Variants in DPH7 observed in about 807,000 individuals in gnomAD.
DPH7 encodes diphthamide biosynthesis 7.
A neutral mutation model predicts 41.7 loss-of-function variants in DPH7; 44 were observed. That is an observed-to-expected ratio of 1.05 (90% CI 0.83 to 1.36). The LOEUF is 1.36. Ranked by LOEUF, DPH7 falls within the 40% of genes most tolerant of loss-of-function variation. The pLI is 0.00. For missense variants in DPH7, 629 were observed against 577.5 expected (o/e 1.09, Z -0.91); for synonymous variants, 275 against 238.0 (o/e 1.16, Z -1.43).
chr9:137,565,342 T>C lies in DPH7; in HGVS notation c.641-188A>G, dbSNP rs1315157813. ...GAGGAAGCTCCCCGGGGTGACTGTC[T>C]GTGAGGAAGCTCCCCTGGGTGACTC... On this transcript the variant is annotated intron_variant, in intron 5 of 8. Transcript: ENST00000277540. 4.2e-4 allele frequency: 121 copies of C among 286,100 alleles called. 1 individual carries two copies. Among genetic ancestry groups the C allele is most frequent in the African/African-American group, 3.9e-3 (42 of 10,648 alleles). 17.7% of individuals were successfully genotyped at this position (286,100 alleles called of 1,614,324 possible). A position where few individuals can be genotyped will look rare whatever the true frequency, so the allele number is the denominator to read the frequency against.
At chr9:137,568,780 G>A (rs1233955947) in intron 5 of DPH7, among the ~76,000 whole-genome samples, 1 of 152,142 alleles carries the variant, frequency 6.6e-6, no homozygotes, top group African/African-American at 2.4e-5. Context: ...GGAAACTGAA[G>A]GGGCCCTGAA....
In DPH7 at chr9:137,575,846, C is replaced by T; in HGVS notation, c.375+234G>A. 4 of 1,349,662 alleles carry T rather than the reference C, an allele frequency of 3.0e-6. No individual in the cohort carries two copies. In the African/African-American group the frequency reaches 4.4e-5, roughly 15 times the overall value. 83.6% of individuals were successfully genotyped at this position (1,349,662 alleles called of 1,614,324 possible). A position where few individuals can be genotyped will look rare whatever the true frequency, so the allele number is the denominator to read the frequency against. On this transcript the variant is annotated intron_variant, in intron 3 of 8. Transcript: ENST00000277540. ...TCAGATCCACTGACAGGTCAATGAACATCCTGTCACTTCAGCCCTTCTGCT... is the reference window on the plus strand; with the variant it reads ...TCAGATCCACTGACAGGTCAATGAATATCCTGTCACTTCAGCCCTTCTGCT...
chr9:137,558,355 C>T (rs1471161988), intron 8 of DPH7, among the ~76,000 whole-genome samples: 3 of 152,104 alleles, frequency 2.0e-5, no homozygotes, highest in Non-Finnish European at 4.4e-5. Context: ...TCTGACTCCA[C>T]CACTGCGCTC....
At chr9:137,578,460 C>A in intron 1 of DPH7, 165 bp downstream of exon 1, 2 of 881,888 alleles carry the variant, frequency 2.3e-6, no homozygotes, top group Non-Finnish European at 3.2e-6. Flanking sequence ...GCCACTGCGC[C>A]CGGCCGAGAA....
At position 137,555,135 on chromosome 9, in the gene DPH7, C is replaced by T; in HGVS notation, c.*104G>A. ...ACTGTGGATTCCATCAGTGCACAGG[C>T]ACCTGCAGGGCTGCAGTAAGCATCT... On this transcript the variant is annotated 3_prime_UTR_variant, in exon 9 of 9. Coordinates refer to ENST00000277540, the MANE Select transcript of DPH7 (RefSeq NM_138778.5). 7.2e-7 allele frequency: 1 copy of T among 1,393,370 alleles called. No individual in the cohort carries two copies. The highest frequency in any genetic ancestry group is 9.6e-7 in the Non-Finnish European group (1 of 1,043,178). The allele number at this position is 1,393,370 out of a possible 1,614,324, so 86.3% of individuals were successfully genotyped here. A position where few individuals can be genotyped will look rare whatever the true frequency, so the allele number is the denominator to read the frequency against.
chr9:137,556,002 G>A lies in DPH7; in HGVS notation c.950-354C>T, dbSNP rs1450745136. On this transcript the variant is annotated intron_variant, in intron 8 of 8. Transcript: ENST00000277540. This position sits in a 1 kb window ranked among gnomAD's most constrained non-coding sequence, Gnocchi z 5.2. Reference sequence around the variant, plus strand: ...GTTTTAGCCAGCTGGGAAGGAAGGGGATGTCTGAGGAACAGGCAGCATGTG... The same window carrying A: ...GTTTTAGCCAGCTGGGAAGGAAGGGAATGTCTGAGGAACAGGCAGCATGTG... 6.6e-6 allele frequency among the ~76,000 whole-genome samples: 1 copy of A among 152,126 alleles called. No individual in the cohort carries two copies. Among genetic ancestry groups the A allele is most frequent in the African/African-American group, 2.4e-5 (1 of 41,416 alleles).
chr9:137,576,066 T>C lies in DPH7; in HGVS notation c.375+14A>G. On this transcript the variant is annotated intron_variant, in intron 3 of 8. Coordinates refer to ENST00000277540, the MANE Select transcript of DPH7 (RefSeq NM_138778.5). ...GGTCCCTTCTGCCCCACAGAACAAGTGCAAGTCACTGACCTCAGATTCCAC... is the reference window on the plus strand; with the variant it reads ...GGTCCCTTCTGCCCCACAGAACAAGCGCAAGTCACTGACCTCAGATTCCAC... 2 of 1,613,838 alleles carry C rather than the reference T, an allele frequency of 1.2e-6. No homozygotes were observed. Among genetic ancestry groups the C allele is most frequent in the Non-Finnish European group, 1.7e-6 (2 of 1,180,020 alleles).
chr9:137,555,855 C>T (rs557549162), intron 8 of DPH7, among the ~76,000 whole-genome samples: 1 of 152,334 alleles, frequency 6.6e-6, no homozygotes, highest in African/African-American at 2.4e-5. Context: ...GTGCACACGC[C>T]TGTGTGCCTC....
At chr9:137,561,033 A>AG (rs1180529271) in intron 8 of DPH7, among the ~76,000 whole-genome samples, 4,100 of 150,354 alleles carry the variant, frequency 0.027, 216 homozygotes, top group African/African-American at 0.095. Flanking sequence ...AAAAAAAAAA[A>AG]AAAAAAAAGA....
At chr9:137,573,780 A>T (rs1313790552) in intron 5 of DPH7, among the ~76,000 whole-genome samples, 3 of 148,602 alleles carry the variant, frequency 2.0e-5, no homozygotes, top group Admixed American at 1.3e-4. Flanking sequence ...AAAGAAAAAA[A>T]ATAGTGGCCA....
At chr9:137,578,596 C>CA in intron 1 of DPH7, 29 bp downstream of exon 1, 2 of 1,449,302 alleles carry the variant, frequency 1.4e-6, no homozygotes, top group Non-Finnish European at 1.8e-6. Flanking sequence ...CGGCCCCGCC[C>CA]TCCCCTCCCG....
intron 1 of DPH7, chr9:137,578,087 G>T: frequency 1.5e-6 from 1 of 660,872 alleles, no homozygotes; most frequent in Non-Finnish European, 1.9e-6. Context: ...GGGGGTTGAG[G>T]CGGGAGGATG....
At chr9:137,569,761 TCCA>T (rs1238831294) in intron 5 of DPH7, among the ~76,000 whole-genome samples, 1 of 121,334 alleles carries the variant, frequency 8.2e-6, no homozygotes, top group Non-Finnish European at 1.7e-5. Flanking sequence ...CATCCAACAA[TCCA>T]CCATCCATCT....
At chr9:137,574,549 A>G (rs1288640066) in intron 4 of DPH7, 169 bp from the exon 5 acceptor site, 4 of 839,056 alleles carry the variant, frequency 4.8e-6, no homozygotes, top group Non-Finnish European at 7.4e-6. Flanking sequence ...CAAAGACACC[A>G]GTGTCGACTT....
intron 7 of DPH7, 59 bp from the exon 8 acceptor site, chr9:137,564,665 A>G: frequency 6.3e-7 from 1 of 1,579,470 alleles, no homozygotes; most frequent in African/African-American, 1.3e-5. Flanking sequence ...CTGTTCCACA[A>G]GGCCCCTGGG....
intron 5 of DPH7, among the ~76,000 whole-genome samples, chr9:137,573,681 T>TA (rs1840868262): frequency 2.7e-5 from 1 of 36,966 alleles, no homozygotes; most frequent in Non-Finnish European, 4.5e-5. Context: ...AGACTCTGTC[T>TA]CAAAAAAAAA....
intron 5 of DPH7, among the ~76,000 whole-genome samples, chr9:137,572,703 C>T (rs1041148058): frequency 6.6e-6 from 1 of 152,216 alleles, no homozygotes; most frequent in Non-Finnish European, 1.5e-5. Context: ...CCAAAGCTAC[C>T]TCCTTCCTGG....
At chr9:137,577,053 C>A (rs377364437) in intron 2 of DPH7, among the ~76,000 whole-genome samples, 36 of 139,276 alleles carry the variant, frequency 2.6e-4, no homozygotes, top group African/African-American at 5.1e-4. Context: ...AACCCTGCCT[C>A]AAAAAAAAAA....
chr9:137,559,511 T>C (rs577234730), intron 8 of DPH7, among the ~76,000 whole-genome samples: 1 of 152,354 alleles, frequency 6.6e-6, no homozygotes, highest in African/African-American at 2.4e-5. Flanking sequence ...TCCGGAGGCC[T>C]AACCGTCTCC....
Sources: allele counts gnomAD v4.1 joint callset (sites outside exome capture counted in the v4.1 genomes callset), GRCh38; gene constraint gnomAD v4.1.1; non-coding constraint Gnocchi (gnomAD v3.1); transcripts MANE v1.5; gene names NCBI Gene and HGNC (gene_info 2026-07-23, HGNC 2026-07-21).